The following CCDC91 variants were observed in gnomAD, a reference collection of about 807,000 sequenced individuals.
The protein encoded by CCDC91 is coiled-coil domain-containing protein 91.
A neutral mutation model predicts 63.2 loss-of-function variants in CCDC91; 48 were observed. That is an observed-to-expected ratio of 0.76 (90% CI 0.60 to 0.97). CCDC91 has a LOEUF of 0.97. CCDC91 is among the 50% of genes least tolerant of loss of function. The pLI is 0.00. For synonymous variants in CCDC91, 167 were observed against 165.8 expected (o/e 1.01, Z -0.06); for missense variants, 500 against 494.6 (o/e 1.01, Z -0.10).
At chr12:28,364,197 C>T (rs915368626) in intron 7 of CCDC91, among the ~76,000 whole-genome samples, 1 of 151,884 alleles carries the variant, frequency 6.6e-6, no homozygotes, top group Non-Finnish European at 1.5e-5. Context: ...ACCAGCCTGG[C>T]CAACATGGTG....
In CCDC91 at chr12:28,341,103, G is replaced by A. The variant is rs73083977; in HGVS notation, c.577-21335G>A. On this transcript the variant is annotated intron_variant, in intron 6 of 12. Transcript: ENST00000536442. ...GTCGATGGTCTGCTGCCTTGCTGAC[G>A]TCTGTCGGTGTGCTTTTCCACTGGC... Among the ~76,000 whole-genome samples the A allele has an allele frequency of 6.1e-3, 927 of 152,238 alleles. 9 individuals carry two copies. The Middle Eastern group carries it at 0.065, about 11-fold the overall frequency.
chr12:28,484,207 C>A, intron 12 of CCDC91, 42 bp downstream of exon 12: 1 of 1,102,286 alleles, frequency 9.1e-7, no homozygotes, highest in Non-Finnish European at 1.3e-6. Context: ...CTTCAATAAA[C>A]TGAATCAGTG....
chr12:28,510,256 T>TGTGTGTGTGTGTGTGTGTGTGTGTGTGG (rs1939228663), intron 12 of CCDC91, among the ~76,000 whole-genome samples: 1 of 151,660 alleles, frequency 6.6e-6, no homozygotes. Context: ...TGTGTGTGTG[T>TGTGTGTGTGTGTGTGTGTGTGTGTGTGG]GTAGAAAGAG....
Position 28,508,793 on chromosome 12 carries a change from A to G in CCDC91, c.1215+24628A>G, listed in dbSNP as rs551205407. Among the ~76,000 whole-genome samples the G allele has an allele frequency of 2.6e-5, 4 of 152,044 alleles. No homozygotes were observed. In the South Asian group the frequency reaches 8.3e-4, roughly 32 times the overall value. ...ATATTATCTGAGTCAGTTATTAAGA[A>G]TGGCGATAAGTAAGTAGGGCCACTC... is the stretch of plus-strand genomic sequence containing the variant. On this transcript the variant is annotated intron_variant, in intron 12 of 12. Coordinates refer to ENST00000536442, the MANE Select transcript of CCDC91 (RefSeq NM_018318.5).
At chr12:28,309,587 C>T (rs1225470317) in intron 6 of CCDC91, among the ~76,000 whole-genome samples, 1 of 151,962 alleles carries the variant, frequency 6.6e-6, no homozygotes, top group African/African-American at 2.4e-5. Flanking sequence ...GTTAACACTC[C>T]ATTGTTAAAT....
intron 7 of CCDC91, among the ~76,000 whole-genome samples, chr12:28,367,850 A>G (rs754235622): frequency 3.0e-4 from 46 of 152,080 alleles, no homozygotes; most frequent in Non-Finnish European, 5.0e-4. Context: ...ATTTCCCTCC[A>G]TAATGTAGGT....
At chr12:28,504,608 C>T (rs1938469629) in intron 12 of CCDC91, among the ~76,000 whole-genome samples, 1 of 151,838 alleles carries the variant, frequency 6.6e-6, no homozygotes, top group South Asian at 2.1e-4. Context: ...CACCACTGTC[C>T]AAGCTATTAT....
intron 3 of CCDC91, among the ~76,000 whole-genome samples, chr12:28,275,965 C>G (rs1257165413): frequency 1.3e-5 from 2 of 151,960 alleles, no homozygotes; most frequent in Admixed American, 6.6e-5. Flanking sequence ...ATTGATGGGA[C>G]GTATCTCAAA....
chr12:28,350,406 G>A (rs1403286546), intron 6 of CCDC91, among the ~76,000 whole-genome samples: 1 of 152,012 alleles, frequency 6.6e-6, no homozygotes, highest in Non-Finnish European at 1.5e-5. Context: ...TAACACTTAG[G>A]TAAGAAGTAA....
At position 28,521,689 on chromosome 12, in the gene CCDC91, G is replaced by A. The variant is rs533592566; in HGVS notation, c.1216-27374G>A. 1.2e-4 allele frequency among the ~76,000 whole-genome samples: 19 copies of A among 152,266 alleles called. No individual in the cohort carries two copies. In the East Asian group the frequency reaches 2.1e-3, roughly 17 times the overall value. On this transcript the variant is annotated intron_variant, in intron 12 of 12. Transcript: ENST00000536442. ...AATGCTTCCAGTTTTTGCCCATTCAGTATGATATTGGCTGTGGGTTTGTCA... is the reference window on the plus strand; with the variant it reads ...AATGCTTCCAGTTTTTGCCCATTCAATATGATATTGGCTGTGGGTTTGTCA...
In CCDC91 at chr12:28,200,908, C is replaced by G. The variant is rs575696452; in HGVS notation, c.-15+10267C>G. On this transcript the variant is annotated intron_variant, in intron 1 of 12. Transcript: ENST00000536442. ...GGCGGCTGGCCGGGCGGGGGGCTGA[C>G]CCCGCCACCTCCCTTCCGGACGGGG... 3.3e-5 allele frequency among the ~76,000 whole-genome samples: 5 copies of G among 150,868 alleles called. No individual in the cohort carries two copies. The South Asian group carries it at 1.0e-3, about 31-fold the overall frequency.
At chr12:28,331,966 G>A (rs1239674019) in intron 6 of CCDC91, among the ~76,000 whole-genome samples, 1 of 152,116 alleles carries the variant, frequency 6.6e-6, no homozygotes, top group Non-Finnish European at 1.5e-5. Context: ...TAATTTTGTA[G>A]ATGGGGGCTA....
At chr12:28,491,129 A>T (rs1461450208) in intron 12 of CCDC91, among the ~76,000 whole-genome samples, 5 of 151,732 alleles carry the variant, frequency 3.3e-5, no homozygotes, top group Admixed American at 2.6e-4. Flanking sequence ...TAATCGAAGT[A>T]CAGTGAGCAT....
At chr12:28,400,950 A>G (rs1465723795) in intron 8 of CCDC91, among the ~76,000 whole-genome samples, 2 of 152,126 alleles carry the variant, frequency 1.3e-5, no homozygotes, top group African/African-American at 2.4e-5. Context: ...AAACTTTCCC[A>G]CATCTTCCTG....
chr12:28,276,502 A>G (rs1948236435), intron 3 of CCDC91, among the ~76,000 whole-genome samples: 1 of 151,930 alleles, frequency 6.6e-6, no homozygotes, highest in African/African-American at 2.4e-5. Flanking sequence ...AATGTTTCAC[A>G]TTTTCCTGTT....
intron 11 of CCDC91, among the ~76,000 whole-genome samples, chr12:28,466,286 G>C (rs938027703): frequency 6.6e-6 from 1 of 152,146 alleles, no homozygotes; most frequent in African/African-American, 2.4e-5. Flanking sequence ...GATGGGGATA[G>C]AAAGTTTATT....
chr12:28,225,231 T>A (rs1592036029), intron 1 of CCDC91, among the ~76,000 whole-genome samples: 1 of 152,328 alleles, frequency 6.6e-6, no homozygotes, highest in East Asian at 1.9e-4. Flanking sequence ...TAAATTCTTG[T>A]GCCATTTTCC....
chr12:28,289,793 G>A (rs1274752553), intron 3 of CCDC91, among the ~76,000 whole-genome samples: 31 of 143,746 alleles, frequency 2.2e-4, no homozygotes, highest in South Asian at 9.2e-4. Flanking sequence ...CCAAGTTCAC[G>A]CCATTCTCCT....
intron 3 of CCDC91, among the ~76,000 whole-genome samples, chr12:28,278,040 C>T (rs1948362121): frequency 6.6e-6 from 1 of 152,028 alleles, no homozygotes; most frequent in African/African-American, 2.4e-5. Context: ...TTTTCTCCAT[C>T]TCCGCATGTT....
Sources: allele counts gnomAD v4.1 joint callset (sites outside exome capture counted in the v4.1 genomes callset), GRCh38; gene constraint gnomAD v4.1.1; transcripts MANE v1.5; gene names NCBI Gene and HGNC (gene_info 2026-07-23, HGNC 2026-07-21).